TTC39A: variants seen among roughly 807,000 people sequenced by gnomAD.
TTC39A encodes the protein tetratricopeptide repeat protein 39A.
Under a neutral mutation model 82.3 loss-of-function variants are expected in TTC39A, and 46 were observed. That is an observed-to-expected ratio of 0.56 (90% CI 0.44 to 0.71). TTC39A has a LOEUF of 0.71. Among genes scored for constraint, TTC39A ranks in the 30% least tolerant of loss-of-function variants. The pLI is 0.00. For missense variants in TTC39A, 543 were observed against 712.9 expected, an observed-to-expected ratio of 0.76 and a Z score of 2.71; for synonymous variants, 254 against 275.2, an observed-to-expected ratio of 0.92 and a Z score of 0.76.
At chr1:51,344,450 C>T (rs34693559) in intron 1 of TTC39A, among the ~76,000 whole-genome samples, 8,640 of 152,118 alleles carry the variant, frequency 0.057, 329 homozygotes, top group Non-Finnish European at 0.085. Context: ...CTGACACACC[C>T]TGGAGGGCTC....
chr1:51,327,158 G>C (rs1645742147), intron 1 of TTC39A, among the ~76,000 whole-genome samples: 1 of 152,208 alleles, frequency 6.6e-6, no homozygotes, highest in South Asian at 2.1e-4. Flanking sequence ...GAGACCCTCA[G>C]TTCCCACTGA....
intron 13 of TTC39A, chr1:51,295,723 C>CT: frequency 3.2e-6 from 1 of 316,044 alleles, no homozygotes; most frequent in Non-Finnish European, 6.1e-6. Context: ...CTGTGCTTCT[C>CT]TGAGTGTCTC....
At position 51,330,549 on chromosome 1, in the gene TTC39A, G is replaced by A. The variant is rs2148312491; in HGVS notation, c.-72C>T. 2.0e-6 allele frequency: 2 copies of A among 983,456 alleles called. No homozygotes were observed. The highest frequency in any genetic ancestry group is 2.4e-6 in the Non-Finnish European group (2 of 829,928). 60.9% of individuals were successfully genotyped at this position (983,456 alleles called of 1,614,324 possible). A position where few individuals can be genotyped will look rare whatever the true frequency, so the allele number is the denominator to read the frequency against. On this transcript the variant is annotated 5_prime_UTR_variant, in exon 1 of 18. Transcript: ENST00000680483. The surrounding 1 kb of genome is among the most constrained non-coding windows in gnomAD (Gnocchi z 4.5). ...GCCCAGGTGCTGCCGCCGCAACCCCGAGCCGGGCGCTGTGCGGTCGCGGAC... is the reference window on the plus strand; with the variant it reads ...GCCCAGGTGCTGCCGCCGCAACCCCAAGCCGGGCGCTGTGCGGTCGCGGAC...
chr1:51,299,540 G>A (rs978210216), intron 12 of TTC39A: 2 of 152,326 alleles, frequency 1.3e-5, no homozygotes, highest in African/African-American at 4.8e-5. Context: ...TTAGAAATGG[G>A]TGGGGCCCCA....
At position 51,290,636 on chromosome 1, in the gene TTC39A, G is replaced by C; in HGVS notation, c.1267-11C>G. ...GATGTACATCATTTCCTGAAGGCAG[G>C]GGGGCAAGTCAGTCCTAGGTTTCTT... On this transcript the variant is annotated splice_polypyrimidine_tract_variant and intron_variant, in intron 14 of 17. Coordinates refer to ENST00000680483, the MANE Select transcript of TTC39A (RefSeq NM_001297663.2). 1 of 1,608,704 alleles carries C rather than the reference G, an allele frequency of 6.2e-7. No individual in the cohort carries two copies. The highest frequency in any genetic ancestry group is 8.5e-7 in the Non-Finnish European group (1 of 1,177,252).
chr1:51,307,226 G>A (rs1439297191), intron 6 of TTC39A, among the ~76,000 whole-genome samples: 1 of 152,172 alleles, frequency 6.6e-6, no homozygotes, highest in Non-Finnish European at 1.5e-5. Context: ...GGGGTGGCCT[G>A]ACAAGGTGTG....
Position 51,303,197 on chromosome 1 carries a change from GGGGAT to G in TTC39A, c.655-10_655-6del. The G allele has an allele frequency of 3.9e-6, 6 of 1,548,656 alleles. No individual in the cohort carries two copies. The highest frequency in any genetic ancestry group is 4.4e-6 in the Non-Finnish European group (5 of 1,142,118). On this transcript the variant is annotated splice_region_variant and splice_polypyrimidine_tract_variant and intron_variant, in intron 8 of 17. Transcript: ENST00000680483. The stretch of plus-strand genomic sequence containing the variant: ...CAGCTGCAGCAGCCCATAGTCCTGA[GGGGAT>G]GGGAGGGTGGGTGAGGCTCCCAGAG...
intron 1 of TTC39A, among the ~76,000 whole-genome samples, chr1:51,326,625 T>A (rs1645721582): frequency 6.6e-6 from 1 of 152,190 alleles, no homozygotes; most frequent in African/African-American, 2.4e-5. Flanking sequence ...TATCTGTCTT[T>A]GATAGATATG....
chr1:51,328,465 G>A (rs894127065), intron 1 of TTC39A, among the ~76,000 whole-genome samples: 1 of 152,176 alleles, frequency 6.6e-6, no homozygotes, highest in Non-Finnish European at 1.5e-5. Context: ...GTGAAAACGC[G>A]AGCTGCAGCA....
At chr1:51,301,951 C>T (rs946863470) in intron 11 of TTC39A, 3 of 658,784 alleles carry the variant, frequency 4.6e-6, no homozygotes, top group South Asian at 3.7e-5. Flanking sequence ...CAAATACAGC[C>T]CCCGCCTAGG....
At chr1:51,320,441 CAG>C (rs1645466002) in intron 2 of TTC39A, among the ~76,000 whole-genome samples, 11 of 70,852 alleles carry the variant, frequency 1.6e-4, no homozygotes, top group African/African-American at 5.3e-4. Context: ...TTTTTTGAGA[CAG>C]GGTTTTGCTC....
chr1:51,320,796 G>A (rs1043341830), intron 2 of TTC39A, among the ~76,000 whole-genome samples: 20 of 150,542 alleles, frequency 1.3e-4, no homozygotes, highest in Non-Finnish European at 2.2e-4. Context: ...ATATAATGAC[G>A]AGAAAGATGA....
chr1:51,326,899 G>A (rs151290828), intron 1 of TTC39A, among the ~76,000 whole-genome samples: 9 of 152,320 alleles, frequency 5.9e-5, no homozygotes, highest in Admixed American at 1.3e-4. Context: ...AGAGGGACGC[G>A]GAGAAGAGGT....
upstream of TTC39A, among the ~76,000 whole-genome samples, chr1:51,332,466 G>T (rs904839142): frequency 6.6e-5 from 10 of 152,180 alleles, no homozygotes; most frequent in Admixed American, 2.0e-4. Flanking sequence ...TTGCCATGTT[G>T]GCCAGGCTGG....
Position 51,294,361 on chromosome 1 carries a change from G to C in TTC39A, c.1266+30C>G. 6.2e-7 allele frequency: 1 copy of C among 1,613,708 alleles called. No homozygotes were observed. Among genetic ancestry groups the C allele is most frequent in the Non-Finnish European group, 8.5e-7 (1 of 1,179,804 alleles). ...GAATCCCCACAATCCTATACCCGGA[G>C]GGCAGCGCCAGTCCAGACCTCCTAC... is the stretch of plus-strand genomic sequence containing the variant. On this transcript the variant is annotated intron_variant, in intron 14 of 17. Coordinates refer to ENST00000680483, the MANE Select transcript of TTC39A (RefSeq NM_001297663.2). This position sits in a 1 kb window ranked among gnomAD's most constrained non-coding sequence, Gnocchi z 4.3.
intron 2 of TTC39A, among the ~76,000 whole-genome samples, chr1:51,318,357 C>G (rs999476970): frequency 1.3e-5 from 2 of 152,166 alleles, no homozygotes; most frequent in Admixed American, 1.3e-4. Flanking sequence ...CAAGACAGAG[C>G]AGGCTGCGGC....
intron 1 of TTC39A, among the ~76,000 whole-genome samples, chr1:51,337,495 C>T (rs916639156): frequency 5.5e-5 from 8 of 145,992 alleles, no homozygotes; most frequent in Admixed American, 1.4e-4. Flanking sequence ...GCACAGTCTT[C>T]GGCCCACTGC....
chr1:51,302,674 C>A (rs544007158), intron 9 of TTC39A, 101 bp from the exon 10 acceptor site: 69 of 1,283,726 alleles, frequency 5.4e-5, no homozygotes, highest in South Asian at 5.1e-4. Flanking sequence ...TCCCCCTCCC[C>A]CTCTGTGAAA....
At chr1:51,309,564 G>T (rs1569884572) in intron 5 of TTC39A, 1 of 844,984 alleles carries the variant, frequency 1.2e-6, no homozygotes, top group Non-Finnish European at 1.7e-6. Context: ...GCCTGGAGGG[G>T]CCACGCCCAG....
Sources: allele counts gnomAD v4.1 joint callset (sites outside exome capture counted in the v4.1 genomes callset), GRCh38; gene constraint gnomAD v4.1.1; non-coding constraint Gnocchi (gnomAD v3.1); transcripts MANE v1.5; gene names NCBI Gene and HGNC (gene_info 2026-07-23, HGNC 2026-07-21).